Variants in TIAM1 observed in about 807,000 individuals in gnomAD.
The protein encoded by TIAM1 is TIAM Rac1 associated GEF 1.
In TIAM1, 65 loss-of-function variants were observed where a neutral mutation model predicts 163.5. The observed-to-expected ratio is 0.40, with a 90% CI of 0.33 to 0.49. The LOEUF is 0.49. Ranked by LOEUF, TIAM1 falls within the 20% of genes least tolerant of loss-of-function variation. The pLI, the probability that TIAM1 is intolerant of heterozygous loss-of-function variation, is 0.77. For missense variants in TIAM1, 1,789 were observed against 2,044.7 expected, an observed-to-expected ratio of 0.87 and a Z score of 2.41; for synonymous variants, 833 against 810.1, an observed-to-expected ratio of 1.03 and a Z score of -0.48.
upstream of TIAM1, among the ~76,000 whole-genome samples, chr21:31,346,675 C>T (rs1000957450): frequency 3.3e-5 from 5 of 152,172 alleles, no homozygotes; most frequent in African/African-American, 1.2e-4. Context: ...TATGAGTCTC[C>T]GCTGGAACTA....
intron 19 of TIAM1, among the ~76,000 whole-genome samples, chr21:31,147,774 T>A (rs987965064): frequency 7.2e-6 from 1 of 139,576 alleles, no homozygotes; most frequent in Non-Finnish European, 1.5e-5. Flanking sequence ...ATTATATTAA[T>A]ATATTATATT....
chr21:31,343,190 G>A (rs2076070218), intron 1 of TIAM1, among the ~76,000 whole-genome samples: 1 of 152,130 alleles, frequency 6.6e-6, no homozygotes, highest in Admixed American at 6.5e-5. Context: ...TTGTTGATCA[G>A]GTATGAAACA....
intron 6 of TIAM1, 23 bp from the exon 7 acceptor site, chr21:31,225,973 G>A (rs373043816): frequency 1.9e-4 from 302 of 1,601,034 alleles, no homozygotes; most frequent in Non-Finnish European, 2.5e-4. Context: ...GAAGGGGCAG[G>A]AAGAAAAAGG....
At chr21:31,248,516 T>C (rs1278589564) in intron 5 of TIAM1, among the ~76,000 whole-genome samples, 2 of 152,232 alleles carry the variant, frequency 1.3e-5, no homozygotes, top group African/African-American at 4.8e-5. Flanking sequence ...CGTTCTTCCG[T>C]TGTCCATGGA....
In TIAM1 at chr21:31,226,478, G is replaced by A. The variant is rs149247561; in HGVS notation, c.1585-528C>T. 5.5e-4 allele frequency among the ~76,000 whole-genome samples: 84 copies of A among 152,208 alleles called. 1 individual carries two copies. In the East Asian group the frequency reaches 0.014, roughly 26 times the overall value. On this transcript the variant is annotated intron_variant, in intron 6 of 27. Transcript: ENST00000541036. ...TGGTCAGGTAGCCAGAAGAAATACC[G>A]TCTTTGGGGACTCTATGGAACCCTC...
intron 2 of TIAM1, among the ~76,000 whole-genome samples, chr21:31,409,802 C>A (rs544024169): frequency 1.4e-4 from 21 of 152,290 alleles, no homozygotes; most frequent in African/African-American, 4.8e-4. Context: ...CAGGGGACAG[C>A]TGGCTTTTTT....
chr21:31,251,441 G>A (rs1249528018), intron 5 of TIAM1, among the ~76,000 whole-genome samples: 1 of 152,124 alleles, frequency 6.6e-6, no homozygotes, highest in African/African-American at 2.4e-5. Context: ...TGAACCTCCT[G>A]CCTCCCAAAG....
intron 9 of TIAM1, among the ~76,000 whole-genome samples, chr21:31,214,837 G>A (rs2087090699): frequency 6.6e-6 from 1 of 151,884 alleles, no homozygotes; most frequent in Non-Finnish European, 1.5e-5. Flanking sequence ...ATGTTGCCCA[G>A]GCTGGTCTCA....
chr21:31,152,979 G>T, intron 18 of TIAM1, 87 bp downstream of exon 18: 1 of 1,351,744 alleles, frequency 7.4e-7, no homozygotes, highest in Non-Finnish European at 1.0e-6. Context: ...AATGTTTTCA[G>T]TGTTACGCAT....
chr21:31,293,408 T>C (rs2074108548), intron 2 of TIAM1, among the ~76,000 whole-genome samples: 1 of 152,140 alleles, frequency 6.6e-6, no homozygotes, highest in South Asian at 2.1e-4. Flanking sequence ...CATCTAGACA[T>C]CTAGACTGGT....
chr21:31,189,604 AAGTGAAT>A (rs2085460076), intron 13 of TIAM1, among the ~76,000 whole-genome samples: 1 of 152,156 alleles, frequency 6.6e-6, no homozygotes, highest in Admixed American at 6.6e-5. Context: ...AAATTTACAA[AAGTGAAT>A]AGCACATTAG....
At chr21:31,556,019 C>A (rs2048865604) in intron 1 of TIAM1, among the ~76,000 whole-genome samples, 1 of 152,054 alleles carries the variant, frequency 6.6e-6, no homozygotes, top group Admixed American at 6.6e-5. Context: ...AGTCTTTGTC[C>A]GGGCTCTTTG....
intron 2 of TIAM1, among the ~76,000 whole-genome samples, chr21:31,321,004 G>T (rs1298704244): frequency 6.6e-6 from 1 of 151,690 alleles, no homozygotes; most frequent in Admixed American, 6.6e-5. Flanking sequence ...AAAAAAAAGA[G>T]ATCTGGGTAC....
chr21:31,355,852 A>G (rs1421659776), intron 2 of TIAM1, among the ~76,000 whole-genome samples: 4 of 151,838 alleles, frequency 2.6e-5, no homozygotes, highest in African/African-American at 9.7e-5. Flanking sequence ...GCGCCCGGCT[A>G]TTTTTCTCTC....
chr21:31,227,860 T>A (rs986234133), intron 6 of TIAM1, among the ~76,000 whole-genome samples: 10 of 152,098 alleles, frequency 6.6e-5, no homozygotes, highest in Non-Finnish European at 1.5e-4. Context: ...TCATTGGATC[T>A]CCCAGTGCCT....
At chr21:31,541,219 G>A (rs150970710) in intron 1 of TIAM1, among the ~76,000 whole-genome samples, 59 of 152,300 alleles carry the variant, frequency 3.9e-4, no homozygotes, top group African/African-American at 1.2e-3. Flanking sequence ...CACTTTGGGA[G>A]GCTGAGGCGG....
chr21:31,145,952 C>G (rs1601278702), intron 20 of TIAM1, among the ~76,000 whole-genome samples: 2 of 152,120 alleles, frequency 1.3e-5, no homozygotes, highest in African/African-American at 4.8e-5. Context: ...TTAAAAGTCA[C>G]AGTTTCCAAG....
intron 3 of TIAM1, among the ~76,000 whole-genome samples, chr21:31,272,036 T>A (rs555110796): frequency 3.3e-5 from 5 of 152,150 alleles, no homozygotes; most frequent in Non-Finnish European, 7.4e-5. Context: ...GGTGAAAATA[T>A]CCTAAGTCAA....
chr21:31,338,269 C>T (rs1338385260), intron 2 of TIAM1, among the ~76,000 whole-genome samples: 1 of 152,204 alleles, frequency 6.6e-6, no homozygotes, highest in Non-Finnish European at 1.5e-5. Context: ...CTAAAAGTTA[C>T]AGGAATCATG....
Sources: allele counts gnomAD v4.1 joint callset (sites outside exome capture counted in the v4.1 genomes callset), GRCh38; gene constraint gnomAD v4.1.1; transcripts MANE v1.5; gene names NCBI Gene and HGNC (gene_info 2026-07-23, HGNC 2026-07-21).